LAMA4: variants seen among roughly 807,000 people sequenced by gnomAD.
LAMA4 encodes laminin subunit alpha 4, also known as laminin subunit alpha-4.
LAMA4 carries 127 observed loss-of-function variants against 207.1 expected under a neutral mutation model. The ratio of observed to expected loss-of-function variants is 0.61; its 90% confidence interval spans 0.53 to 0.71. The LOEUF (loss-of-function observed/expected upper bound fraction) is 0.71. LAMA4 is among the 30% of genes least tolerant of loss of function. The probability of loss-of-function intolerance (pLI) is 0.00; values close to 1 mark genes in which losing one functional copy is unlikely to be tolerated. For synonymous variants in LAMA4, 761 were observed against 816.0 expected, an observed-to-expected ratio of 0.93 and a Z score of 1.15; for missense variants, 2,093 against 2,246.5, an observed-to-expected ratio of 0.93 and a Z score of 1.38.
At chr6:112,225,773 TA>T (rs1785176496) in intron 2 of LAMA4, among the ~76,000 whole-genome samples, 1 of 152,232 alleles carries the variant, frequency 6.6e-6, no homozygotes, top group African/African-American at 2.4e-5. Context: ...ACATATTTGT[TA>T]TATTATCAAA....
At chr6:112,156,189 G>GACAGCCCCAGCCCTTCCTCAGCAC (rs1235781944) in intron 14 of LAMA4, among the ~76,000 whole-genome samples, 9 of 152,004 alleles carry the variant, frequency 5.9e-5, no homozygotes, top group African/African-American at 2.2e-4. Flanking sequence ...TCAGGAGTGA[G>GACAGCCCCAGCCCTTCCTCAGCAC]ACAGCCCCAG....
chr6:112,124,336 C>T (rs1778550254), intron 31 of LAMA4, among the ~76,000 whole-genome samples: 1 of 152,194 alleles, frequency 6.6e-6, no homozygotes, highest in South Asian at 2.1e-4. Context: ...CCAGCCTTGC[C>T]TTACTCTGCT....
intron 4 of LAMA4, among the ~76,000 whole-genome samples, chr6:112,206,612 A>G (rs984353358): frequency 2.6e-5 from 4 of 152,196 alleles, no homozygotes; most frequent in African/African-American, 7.2e-5. Context: ...CTGAAAAGCC[A>G]TATGTAGGGA....
chr6:112,227,285 G>A (rs1438061662), intron 2 of LAMA4, among the ~76,000 whole-genome samples: 3 of 151,960 alleles, frequency 2.0e-5, no homozygotes, highest in African/African-American at 7.3e-5. Flanking sequence ...TGGCCAGGCT[G>A]GTCTTGAACT....
At chr6:112,207,207 C>T (rs1784107982) in intron 3 of LAMA4, 62 bp from the exon 4 acceptor site, 1 of 1,581,190 alleles carries the variant, frequency 6.3e-7, no homozygotes, top group Admixed American at 1.7e-5. Context: ...GACAGCACAT[C>T]TAAGCATCAT....
chr6:112,184,216 T>C (rs1554345980), intron 9 of LAMA4, among the ~76,000 whole-genome samples: 1 of 152,042 alleles, frequency 6.6e-6, no homozygotes, highest in Non-Finnish European at 1.5e-5. Flanking sequence ...TGTTATTTTA[T>C]TTTTTTAAAA....
intron 8 of LAMA4, chr6:112,186,715 T>C (rs1782703736): frequency 2.2e-6 from 1 of 445,874 alleles, no homozygotes; most frequent in Non-Finnish European, 4.5e-6. Context: ...GTGTAAATAG[T>C]TGTTACACTG....
chr6:112,143,125 C>T (rs1760127387), intron 19 of LAMA4, among the ~76,000 whole-genome samples: 1 of 152,016 alleles, frequency 6.6e-6, no homozygotes, highest in Non-Finnish European at 1.5e-5. Context: ...ATTGTGTATA[C>T]TTATGTCATT....
intron 12 of LAMA4, 85 bp downstream of exon 12, chr6:112,172,525 TA>T: frequency 1.5e-6 from 2 of 1,306,262 alleles, no homozygotes; most frequent in Non-Finnish European, 2.2e-6. Flanking sequence ...ACCAATATTT[TA>T]AAAAAATTTA....
intron 19 of LAMA4, among the ~76,000 whole-genome samples, chr6:112,143,836 C>G (rs1779854693): frequency 6.6e-6 from 1 of 152,140 alleles, no homozygotes; most frequent in Non-Finnish European, 1.5e-5. Flanking sequence ...TTTTAGAATG[C>G]CATTTCTTGA....
At chr6:112,161,717 A>C (rs1313552305) in intron 13 of LAMA4, among the ~76,000 whole-genome samples, 2 of 152,122 alleles carry the variant, frequency 1.3e-5, no homozygotes, top group Non-Finnish European at 2.9e-5. Flanking sequence ...GTGGGGTGGG[A>C]TGAGGAGTGA....
At chr6:112,219,476 C>T (rs937865790) in intron 2 of LAMA4, 7 of 152,270 alleles carry the variant, frequency 4.6e-5, no homozygotes, top group Non-Finnish European at 1.0e-4. Flanking sequence ...AGAAGCCTGT[C>T]CTATACTAGA....
rs1020640316 is a variant in LAMA4, at chr6:112,117,137, T to C, written c.4981+602A>G. Among the ~76,000 whole-genome samples the C allele has an allele frequency of 6.6e-6, 1 of 152,188 alleles. No individual in the cohort carries two copies. The highest frequency in any genetic ancestry group is 1.5e-5 in the Non-Finnish European group (1 of 68,026). On this transcript the variant is annotated intron_variant, in intron 35 of 38. Transcript: ENST00000230538. This position sits in a 1 kb window ranked among gnomAD's most constrained non-coding sequence, Gnocchi z 4.5. ...TTCCTCACACCCAGCGATTGCTCCA[T>C]AGAATATTCTTGGAATGAATTAGAT...
At position 112,206,188 on chromosome 6, in the gene LAMA4, C is replaced by T. The variant is rs573448947; in HGVS notation, c.422+833G>A. Reference sequence around the variant, plus strand: ...GGATCCTTCTCAAATTTACAGTCTTCTGGGAAGAAGTGTGACTAGCCTGGG... The same window carrying T: ...GGATCCTTCTCAAATTTACAGTCTTTTGGGAAGAAGTGTGACTAGCCTGGG... On this transcript the variant is annotated intron_variant, in intron 4 of 38. Transcript: ENST00000230538. Among the ~76,000 whole-genome samples, 7 of 152,282 alleles carry T rather than the reference C, an allele frequency of 4.6e-5. No individual in the cohort carries two copies. In the South Asian group the frequency reaches 1.5e-3, roughly 32 times the overall value.
chr6:112,176,621 G>A (rs753300816), intron 10 of LAMA4, among the ~76,000 whole-genome samples: 2 of 152,180 alleles, frequency 1.3e-5, no homozygotes, highest in Non-Finnish European at 2.9e-5. Flanking sequence ...ATATTAACCT[G>A]CGAAATAAAC....
At chr6:112,126,815 A>G (rs1278882285) in intron 31 of LAMA4, among the ~76,000 whole-genome samples, 1 of 152,264 alleles carries the variant, frequency 6.6e-6, no homozygotes, top group Non-Finnish European at 1.5e-5. Context: ...TTGCAAAATT[A>G]TAGAAATTTG....
chr6:112,151,903 G>A (rs1306337690), intron 16 of LAMA4, among the ~76,000 whole-genome samples: 1 of 152,044 alleles, frequency 6.6e-6, no homozygotes, highest in Non-Finnish European at 1.5e-5. Context: ...TGCATGTAGT[G>A]AGATGATCAT....
chr6:112,241,118 T>TATATATATTC (rs1562101783), intron 2 of LAMA4, among the ~76,000 whole-genome samples: 1 of 102,492 alleles, frequency 9.8e-6, no homozygotes, highest in African/African-American at 3.0e-5. Context: ...TATATATGAA[T>TATATATATTC]ATATATATGA....
chr6:112,163,813 C>T (rs531000519), intron 13 of LAMA4, among the ~76,000 whole-genome samples: 22 of 152,174 alleles, frequency 1.4e-4, no homozygotes, highest in African/African-American at 4.3e-4. Flanking sequence ...TAGTACAGCA[C>T]GTTTGTACGC....
Sources: gnomAD v4.1 joint callset for allele counts (sites outside exome capture counted in the v4.1 genomes callset) on GRCh38, gnomAD v4.1.1 for gene constraint, Gnocchi (gnomAD v3.1) non-coding constraint, MANE v1.5 for transcripts, NCBI Gene and HGNC (gene_info 2026-07-23, HGNC 2026-07-21) for gene names.